The following DNHD1 variants were observed in gnomAD, a reference collection of about 807,000 sequenced individuals.
The protein encoded by DNHD1 is dynein heavy chain domain-containing protein 1.
A neutral mutation model predicts 458.1 loss-of-function variants in DNHD1; 383 were observed. That is an observed-to-expected ratio of 0.84 (90% CI 0.77 to 0.91). The LOEUF is 0.91. Among genes scored for constraint, DNHD1 ranks in the 40% least tolerant of loss-of-function variants. The pLI, the probability that DNHD1 is intolerant of heterozygous loss-of-function variation, is 0.00. For synonymous variants in DNHD1, 2,203 were observed against 2,376.9 expected (o/e 0.93, Z 2.13); for missense variants, 5,336 against 5,866.1 (o/e 0.91, Z 2.95).
intron 16 of DNHD1, among the ~76,000 whole-genome samples, 165 bp from the exon 17 acceptor site, chr11:6,539,054 G>A (rs986496871): frequency 4.6e-5 from 7 of 151,996 alleles, no homozygotes; most frequent in African/African-American, 1.7e-4. Flanking sequence ...GCTCTGAGTT[G>A]TGCTCTAGAC....
intron 28 of DNHD1, among the ~76,000 whole-genome samples, chr11:6,559,878 G>C (rs904174789): frequency 6.6e-6 from 1 of 151,946 alleles, no homozygotes; most frequent in East Asian, 1.9e-4. Flanking sequence ...TTCCTCTCTC[G>C]TCTCTCTAAC....
At position 6,556,920 on chromosome 11, in the gene DNHD1, T is replaced by C. The variant is rs1853474936; in HGVS notation, c.7625T>C (p.Ile2542Thr). Residue 2542 changes from isoleucine to threonine, a missense_variant, in exon 25 of 43, where the codon ATC (isoleucine) becomes ACC (threonine). Around this residue, in one of 4 missense-constraint regions of DNHD1, gnomAD observed 3,932 missense variants for 4,365.6 expected, o/e 0.90. Coordinates refer to ENST00000254579, the MANE Select transcript of DNHD1 (RefSeq NM_144666.3). ...ACCCTGCTGGAAAGACATGTGCCTA[T>C]CATTCAGGCTTGGCTTGAGCGTTTC... The part of the protein sequence containing the change: ...QATLLERHVP[I>T]IQAWLERFPS... 1.3e-6 allele frequency: 2 copies of C among 1,551,738 alleles called. No individual in the cohort carries two copies. The highest frequency in any genetic ancestry group is 1.7e-4 in the Middle Eastern group (1 of 5,992).
rs1045074415 is a variant in DNHD1 at position 6,547,314 on chromosome 11, G to C, written c.6375G>C (p.Leu2125Phe). 5.2e-6 allele frequency: 8 copies of C among 1,551,686 alleles called. No homozygotes were observed. The highest frequency in any genetic ancestry group is 7.0e-6 in the Non-Finnish European group (8 of 1,147,026). Residue 2125 changes from leucine to phenylalanine, a missense_variant, in exon 21 of 43, where the codon TTG (leucine) becomes TTC (phenylalanine). Leu to Phe is a conservative substitution (Grantham distance 22). Around this residue, in one of 4 missense-constraint regions of DNHD1, gnomAD observed 3,932 missense variants for 4,365.6 expected, o/e 0.90. Coordinates refer to ENST00000254579, the MANE Select transcript of DNHD1 (RefSeq NM_144666.3). The stretch of plus-strand genomic sequence containing the variant: ...CACGACCCCCAGGCACCTTTCTCTT[G>C]ATGGAGGTGGCTGACACAACAGGCA... ...QIARPPGTFL[L>F]MEVADTTGIS... is the part of the protein sequence containing the mutation.
chr11:6,567,984 C>T, intron 36 of DNHD1, 72 bp from the exon 37 acceptor site: 1 of 1,483,362 alleles, frequency 6.7e-7, no homozygotes, highest in Non-Finnish European at 9.0e-7. Context: ...ATCATGGTAG[C>T]ATTAGTTTGG....
In DNHD1 at chr11:6,550,427, A is replaced by T. The variant is rs112269855; in HGVS notation, c.7387+1494A>T. On this transcript the variant is annotated intron_variant, in intron 24 of 42. Transcript: ENST00000254579. ...TCAGCTGAGAAGAGACTTCAGCAAC[A>T]TTGTAGAGTGAAGAATATTACTGCT... is the stretch of plus-strand genomic sequence containing the variant. 8.1e-3 allele frequency among the ~76,000 whole-genome samples: 1,230 copies of T among 152,346 alleles called. 15 individuals carry two copies. The highest frequency in any genetic ancestry group is 0.028 in the African/African-American group (1,155 of 41,586).
Position 6,498,696 on chromosome 11 carries a change from C to T in DNHD1, c.481C>T (p.Pro161Ser). ...PQKRRLHHRP[P>S]CPACPFVQAQ... ...GAAGCGGAGGCTCCATCACAGGCCC[C>T]CATGCCCAGCTTGCCCTTTTGTGCA... Residue 161 changes from proline (P) to serine (S), a missense_variant, in exon 3 of 43, where the codon CCA becomes TCA. Pro to Ser is a moderately conservative substitution (Grantham distance 74). Coordinates refer to ENST00000254579, the MANE Select transcript of DNHD1 (RefSeq NM_144666.3). 1 of 1,614,216 alleles carries T rather than the reference C, an allele frequency of 6.2e-7. No individual in the cohort carries two copies. The highest frequency in any genetic ancestry group is 8.5e-7 in the Non-Finnish European group (1 of 1,180,042).
Position 6,546,145 on chromosome 11 carries a change from C to T in DNHD1, c.5206C>T (p.Leu1736=). The change falls in exon 21 of 43, where the codon CTG becomes TTG. Residue 1736 remains leucine, a synonymous_variant. Coordinates refer to ENST00000254579, the MANE Select transcript of DNHD1 (RefSeq NM_144666.3). ...LNGALQGGAW[L]LLEKVHQLPP... Reference sequence around the variant, plus strand: ...TGGTGCCCTGCAGGGTGGTGCCTGGCTGCTGTTGGAGAAAGTTCATCAGCT... The same window carrying T: ...TGGTGCCCTGCAGGGTGGTGCCTGGTTGCTGTTGGAGAAAGTTCATCAGCT... The T allele has an allele frequency of 6.4e-7, 1 of 1,551,240 alleles. No individual in the cohort carries two copies. The highest frequency in any genetic ancestry group is 8.7e-7 in the Non-Finnish European group (1 of 1,146,570).
At chr11:6,526,057 A>G (rs1214005336) in intron 10 of DNHD1, among the ~76,000 whole-genome samples, 2 of 151,870 alleles carry the variant, frequency 1.3e-5, no homozygotes, top group Non-Finnish European at 2.9e-5. Context: ...TCTTGGGGGA[A>G]TCTTGTTACT....
At chr11:6,549,099 A>C in intron 24 of DNHD1, 166 bp downstream of exon 24, 2 of 735,884 alleles carry the variant, frequency 2.7e-6, no homozygotes, top group East Asian at 2.7e-5. Context: ...AATCCCATCC[A>C]CTCTCATGGC....
Position 6,556,731 on chromosome 11 carries a change from T to C in DNHD1, c.7436T>C (p.Met2479Thr), listed in dbSNP as rs1853469078. 1.9e-6 allele frequency: 3 copies of C among 1,551,108 alleles called. No homozygotes were observed. The highest frequency in any genetic ancestry group is 1.4e-5 in the African/African-American group (1 of 73,020). ...QPVLETLRQA[M>T]DGTVYAHSTL... ...GTGTTGGAGACTCTGCGCCAGGCCA[T>C]GGATGGCACTGTGTATGCCCACAGC... The change falls in exon 25 of 43, where the codon ATG becomes ACG. Residue 2479 changes from methionine to threonine, a missense_variant. This residue lies in a region of DNHD1 where 3,932 missense variants were observed against 4,365.6 expected (regional missense o/e 0.90). Transcript: ENST00000254579.
intron 24 of DNHD1, among the ~76,000 whole-genome samples, chr11:6,556,360 C>T (rs1853460347): frequency 1.3e-5 from 2 of 152,154 alleles, no homozygotes; most frequent in Non-Finnish European, 2.9e-5. Flanking sequence ...TAATTGTGAT[C>T]GATCTGGTTT....
At chr11:6,526,829 G>C (rs193176928) in intron 10 of DNHD1, among the ~76,000 whole-genome samples, 3 of 152,168 alleles carry the variant, frequency 2.0e-5, no homozygotes, top group East Asian at 1.9e-4. Context: ...GTTCTTGGAG[G>C]GGGTAAGACC....
chr11:6,533,611 C>T, intron 13 of DNHD1, 70 bp from the exon 14 acceptor site: 1 of 1,480,194 alleles, frequency 6.8e-7, no homozygotes, highest in South Asian at 1.4e-5. Context: ...GTGGGAGTTC[C>T]CCTTGGGGAT....
chr11:6,566,815 G>A, intron 35 of DNHD1, 50 bp downstream of exon 35: 2 of 1,598,906 alleles, frequency 1.3e-6, no homozygotes, highest in Non-Finnish European at 1.7e-6. Context: ...GATGGACCTG[G>A]GTAAGGGGGT....
chr11:6,542,973 A>G (rs538317537), intron 18 of DNHD1, among the ~76,000 whole-genome samples: 2 of 152,350 alleles, frequency 1.3e-5, no homozygotes, highest in East Asian at 3.9e-4. Context: ...ATGCAGAGAA[A>G]AGCTGAAGTA....
Position 6,571,659 on chromosome 11 carries a change from G to C in DNHD1, c.13935G>C (p.Thr4645=). The C allele has an allele frequency of 6.3e-7, 1 of 1,597,594 alleles. No individual in the cohort carries two copies. The highest frequency in any genetic ancestry group is 8.5e-7 in the Non-Finnish European group (1 of 1,170,450). ...AGGTGGAGAATGGTCCAAATCCCAC[G>C]GTTCCAGAGAGAGGGCTGCTGCTGA... The part of the protein sequence containing the change: ...HFRVENGPNP[T]VPERGLLLIG... Residue 4645 remains threonine (T), a synonymous_variant, in exon 43 of 43, where the codon ACG becomes ACC. Coordinates refer to ENST00000254579, the MANE Select transcript of DNHD1 (RefSeq NM_144666.3). The surrounding 1 kb of genome is among the most constrained non-coding windows in gnomAD (Gnocchi z 5.0).
At chr11:6,500,591 AC>A (rs1791533979) in intron 3 of DNHD1, among the ~76,000 whole-genome samples, 1 of 152,240 alleles carries the variant, frequency 6.6e-6, no homozygotes, top group Admixed American at 6.5e-5. Flanking sequence ...TCCTGGGAGA[AC>A]TTGACTGAAT....
chr11:6,543,868 G>C (rs186360751), intron 18 of DNHD1, among the ~76,000 whole-genome samples: 2 of 148,900 alleles, frequency 1.3e-5, no homozygotes, highest in Admixed American at 1.4e-4. Flanking sequence ...GGCTGAGGCA[G>C]GTGAATTGCT....
rs2134412053 is a variant in DNHD1 at position 6,533,056 on chromosome 11, A to AT, written c.2379dup (p.Leu794SerfsTer7). 6.4e-7 allele frequency: 1 copy of AT among 1,551,698 alleles called. No homozygotes were observed. Among genetic ancestry groups the AT allele is most frequent in the East Asian group, 2.4e-5 (1 of 40,916 alleles). The stretch of plus-strand genomic sequence containing the variant: ...CAAGCTGAACAGCATAAGGAAGGAC[A>AT]TTCTTGCACACGTGCAAAATGAGTG... On this transcript the variant is annotated frameshift_variant, in exon 13 of 43. Transcript: ENST00000254579. LOFTEE classifies it high-confidence loss of function.
Sources: gnomAD v4.1 joint callset for allele counts (sites outside exome capture counted in the v4.1 genomes callset) on GRCh38, gnomAD v4.1.1 for gene constraint, gnomAD v4.1.1 regional missense constraint, Gnocchi (gnomAD v3.1) non-coding constraint, MANE v1.5 for transcripts, NCBI Gene and HGNC (gene_info 2026-07-23, HGNC 2026-07-21) for gene names.